The following A3GALT2 variants were observed in gnomAD, a reference collection of about 807,000 sequenced individuals.
A3GALT2 encodes alpha 1,3-galactosyltransferase 2, also known as alpha-1,3-galactosyltransferase 2.
Under a neutral mutation model 16.6 loss-of-function variants are expected in A3GALT2, and 14 were observed. The observed-to-expected ratio is 0.84, with a 90% CI of 0.56 to 1.32. The LOEUF is 1.32. Ranked by LOEUF, A3GALT2 falls within the 40% of genes most tolerant of loss-of-function variation. The pLI is 0.00. For synonymous variants in A3GALT2, 253 were observed against 218.0 expected (o/e 1.16, Z -1.42); for missense variants, 600 against 490.9 (o/e 1.22, Z -2.10).
chr1:33,319,306 G>C (rs1646274993), intron 1 of A3GALT2, among the ~76,000 whole-genome samples: 1 of 152,200 alleles, frequency 6.6e-6, no homozygotes, highest in South Asian at 2.1e-4. Flanking sequence ...GAATACTGCT[G>C]TCCAGGGGAC....
rs1467976628 is a variant in A3GALT2 at position 33,320,323 on chromosome 1, GTCCCACCC to G, written c.23+745_23+752del. ...AGGGGCTTTCTCCCCCTCTGTGGCT[GTCCCACCC>G]TCTTCACCAGCCTCCTCCCAACCAG... On this transcript the variant is annotated intron_variant, in intron 1 of 4. Transcript: ENST00000442999. This position sits in a 1 kb window ranked among gnomAD's most constrained non-coding sequence, Gnocchi z 4.3. Among the ~76,000 whole-genome samples the G allele has an allele frequency of 3.9e-5, 6 of 152,076 alleles. No homozygotes were observed. The highest frequency in any genetic ancestry group is 1.4e-4 in the African/African-American group (6 of 41,450).
At chr1:33,312,260 C>A in intron 3 of A3GALT2, 71 bp from the exon 4 acceptor site, 1 of 1,586,454 alleles carries the variant, frequency 6.3e-7, no homozygotes, top group East Asian at 2.3e-5. Flanking sequence ...TTCACTGCCA[C>A]CTCCCCAGTG....
At chr1:33,317,400 A>G (rs923441653) in intron 1 of A3GALT2, among the ~76,000 whole-genome samples, 2 of 152,216 alleles carry the variant, frequency 1.3e-5, no homozygotes, top group African/African-American at 4.8e-5. Context: ...ATGTATTTAC[A>G]GTAGGTTGCT....
chr1:33,317,145 T>C (rs1359205277), intron 1 of A3GALT2, among the ~76,000 whole-genome samples: 1 of 151,998 alleles, frequency 6.6e-6, no homozygotes, highest in Non-Finnish European at 1.5e-5. Context: ...TCCTCAAATA[T>C]AACTGAAGAA....
At chr1:33,319,114 T>C (rs1251303850) in intron 1 of A3GALT2, among the ~76,000 whole-genome samples, 4 of 152,232 alleles carry the variant, frequency 2.6e-5, no homozygotes, top group Admixed American at 1.3e-4. Flanking sequence ...TGCTTATGTC[T>C]ACTTTATAAA....
At chr1:33,318,814 A>C (rs555238662) in intron 1 of A3GALT2, among the ~76,000 whole-genome samples, 1 of 152,092 alleles carries the variant, frequency 6.6e-6, no homozygotes, top group East Asian at 1.9e-4. Context: ...CTCCTCCAGT[A>C]CCTGCCAAGC....
intron 4 of A3GALT2, among the ~76,000 whole-genome samples, chr1:33,309,741 C>T (rs933664650): frequency 1.3e-4 from 18 of 139,600 alleles, no homozygotes; most frequent in African/African-American, 1.4e-4. Context: ...ACATCTCAGA[C>T]GATGGGCGGC....
intron 1 of A3GALT2, among the ~76,000 whole-genome samples, chr1:33,316,596 G>A (rs924953022): frequency 6.6e-6 from 1 of 151,932 alleles, no homozygotes; most frequent in African/African-American, 2.4e-5. Context: ...GAGGTATCAG[G>A]GGCAACACCA....
chr1:33,307,430 C>CG lies in A3GALT2; in HGVS notation c.358dup (p.Arg120ProfsTer134). The CG allele has an allele frequency of 6.5e-7, 1 of 1,535,770 alleles. No individual in the cohort carries two copies. Among genetic ancestry groups the CG allele is most frequent in the Admixed American group, 2.0e-5 (1 of 48,798 alleles). ...GTGCTGCTCCGCCGTCTCCAGGAAG[C>CG]GCTCCAGGTACTTCTCCAGGTATCT... On this transcript the variant is annotated frameshift_variant, in exon 5 of 5. Transcript: ENST00000442999. LOFTEE classifies it low-confidence loss of function (END_TRUNC).
At position 33,320,949 on chromosome 1, in the gene A3GALT2, G is replaced by A. The variant is rs1346263284; in HGVS notation, c.23+127C>T. 4 of 1,235,506 alleles carry A rather than the reference G, an allele frequency of 3.2e-6. No individual in the cohort carries two copies. The highest frequency in any genetic ancestry group is 4.7e-6 in the Non-Finnish European group (4 of 856,568). 76.5% of individuals were successfully genotyped at this position (1,235,506 alleles called of 1,614,324 possible). A position where few individuals can be genotyped will look rare whatever the true frequency, so the allele number is the denominator to read the frequency against. On this transcript the variant is annotated intron_variant, in intron 1 of 4. Transcript: ENST00000442999. The surrounding 1 kb of genome is among the most constrained non-coding windows in gnomAD (Gnocchi z 4.3). Reference sequence around the variant, plus strand: ...GAGCCACCTTTCCCCAGGACTGGAGGCTCAGCTGGTACTCCTGGGCTCACT... The same window carrying A: ...GAGCCACCTTTCCCCAGGACTGGAGACTCAGCTGGTACTCCTGGGCTCACT...
chr1:33,318,683 A>G (rs369628884), intron 1 of A3GALT2, among the ~76,000 whole-genome samples: 62 of 151,928 alleles, frequency 4.1e-4, no homozygotes, highest in African/African-American at 1.4e-3. Context: ...TCTTCCTTCC[A>G]TCAGCCAACA....
At position 33,320,689 on chromosome 1, in the gene A3GALT2, C is replaced by G. The variant is rs998916863; in HGVS notation, c.23+387G>C. Among the ~76,000 whole-genome samples the G allele has an allele frequency of 1.3e-5, 2 of 152,040 alleles. No homozygotes were observed. Among genetic ancestry groups the G allele is most frequent in the African/African-American group, 4.8e-5 (2 of 41,442 alleles). On this transcript the variant is annotated intron_variant, in intron 1 of 4. Coordinates refer to ENST00000442999, the MANE Select transcript of A3GALT2 (RefSeq NM_001080438.1). The surrounding 1 kb of genome is among the most constrained non-coding windows in gnomAD (Gnocchi z 4.3). ...ATTAGGTCTTAAGGGGGCACAGGTT[C>G]CTAGTCCTGGACCATCAGTCCCAGT...
chr1:33,306,802 C>A lies in A3GALT2; in HGVS notation c.987G>T (p.Leu329=). 1 of 1,462,044 alleles carries A rather than the reference C, an allele frequency of 6.8e-7. No homozygotes were observed. Among genetic ancestry groups the A allele is most frequent in the Non-Finnish European group, 9.0e-7 (1 of 1,114,304 alleles). The allele number at this position is 1,462,044 out of a possible 1,614,324, so 90.6% of individuals were successfully genotyped here. The change falls in exon 5 of 5, where the codon CTG becomes CTT. Residue 329 remains leucine (L), a synonymous_variant. Coordinates refer to ENST00000442999, the MANE Select transcript of A3GALT2 (RefSeq NM_001080438.1). ...PRAEIRRPRL[L]WAPKGYRLLR... ...GCAGCCGGTACCCCTTGGGCGCCCA[C>A]AGCAGTCGCGGGCGGCGGATCTCGG...
intron 1 of A3GALT2, chr1:33,314,335 T>G (rs1646251234): frequency 6.6e-6 from 1 of 152,368 alleles, no homozygotes; most frequent in African/African-American, 2.4e-5. Context: ...AGTGCTAGGA[T>G]TACAGGCGTG....
chr1:33,306,827 GCCCGCGGGCCGATGTC>G lies in A3GALT2; in HGVS notation c.946_961del (p.Asp316ProfsTer?), dbSNP rs1391517773. The G allele has an allele frequency of 2.7e-5, 40 of 1,493,016 alleles. No homozygotes were observed. Among genetic ancestry groups the G allele is most frequent in the Admixed American group, 1.6e-4 (7 of 43,914 alleles). The allele number at this position is 1,493,016 out of a possible 1,614,324, so 92.5% of individuals were successfully genotyped here. On this transcript the variant is annotated frameshift_variant, in exon 5 of 5. Coordinates refer to ENST00000442999, the MANE Select transcript of A3GALT2 (RefSeq NM_001080438.1). LOFTEE classifies it low-confidence loss of function (END_TRUNC). Reference sequence around the variant, plus strand: ...CAGCAGTCGCGGGCGGCGGATCTCGGCCCGCGGGCCGATGTCCGGGCTCCAGCAGAACTCGGGCGAC... The same window carrying G: ...CAGCAGTCGCGGGCGGCGGATCTCGGCGGGCTCCAGCAGAACTCGGGCGAC...
chr1:33,308,761 T>TTTTTTTTTG, intron 4 of A3GALT2, among the ~76,000 whole-genome samples: 1 of 111,178 alleles, frequency 9.0e-6, no homozygotes, highest in African/African-American at 5.3e-5. Flanking sequence ...TTTTTTTTTT[T>TTTTTTTTTG]TTTTTTTTTT....
chr1:33,312,206 T>A lies in A3GALT2; in HGVS notation c.198-17A>T. 1 of 1,612,194 alleles carries A rather than the reference T, an allele frequency of 6.2e-7. No individual in the cohort carries two copies. The highest frequency in any genetic ancestry group is 8.5e-7 in the Non-Finnish European group (1 of 1,179,466). On this transcript the variant is annotated splice_polypyrimidine_tract_variant and intron_variant, in intron 3 of 4. Transcript: ENST00000442999. ...GGCCGGGCCCTGGCCAGGGCAGGGATGGGAAATGGAAATAGCTCCATTCAT... is the reference window on the plus strand; with the variant it reads ...GGCCGGGCCCTGGCCAGGGCAGGGAAGGGAAATGGAAATAGCTCCATTCAT...
chr1:33,319,111 G>T (rs1203304931), intron 1 of A3GALT2, among the ~76,000 whole-genome samples: 2 of 152,214 alleles, frequency 1.3e-5, no homozygotes, highest in African/African-American at 2.4e-5. Flanking sequence ...CTGTGCTTAT[G>T]TCTACTTTAT....
intron 4 of A3GALT2, among the ~76,000 whole-genome samples, chr1:33,308,750 G>GTTTTTTTTTTTTTTTTTTT (rs56655319): frequency 8.7e-5 from 4 of 46,122 alleles, no homozygotes; most frequent in African/African-American, 2.4e-4. Context: ...TGTCAAAGTT[G>GTTTTTTTTTTTTTTTTTTT]TTTTTTTTTT....
Sources: allele counts gnomAD v4.1 joint callset (sites outside exome capture counted in the v4.1 genomes callset), GRCh38; gene constraint gnomAD v4.1.1; non-coding constraint Gnocchi (gnomAD v3.1); transcripts MANE v1.5; gene names NCBI Gene and HGNC (gene_info 2026-07-23, HGNC 2026-07-21).